The following LMTK3 variants were observed in gnomAD, a reference collection of about 807,000 sequenced individuals.
The protein encoded by LMTK3 is lemur tail kinase 3.
A neutral mutation model predicts 116.7 loss-of-function variants in LMTK3; 27 were observed. The observed-to-expected ratio is 0.23, with a 90% CI of 0.17 to 0.32. LMTK3 has a LOEUF of 0.32. Ranked by LOEUF, LMTK3 falls within the 10% of genes least tolerant of loss-of-function variation. LMTK3 has a pLI of 1.00. For synonymous variants in LMTK3, 965 were observed against 971.0 expected (o/e 0.99, Z 0.11); for missense variants, 1,764 against 2,068.5 (o/e 0.85, Z 2.86).
chr19:48,486,696 C>T (rs1439786941), intron 14 of LMTK3, among the ~76,000 whole-genome samples: 6 of 151,902 alleles, frequency 3.9e-5, no homozygotes, highest in Non-Finnish European at 5.9e-5. Flanking sequence ...CACGACTACG[C>T]CCGGCTAATT....
At position 48,501,682 on chromosome 19, in the gene LMTK3, C is replaced by A. The variant is rs1356177788; in HGVS notation, c.795-120G>T. ...CTGCCCCGCCACACTGACTCTGCCC[C>A]TTCCCTCTGATCTGTCTCTCCCCTC... On this transcript the variant is annotated intron_variant, in intron 7 of 14. Transcript: ENST00000600059. 1.1e-5 allele frequency: 11 copies of A among 987,030 alleles called. No individual in the cohort carries two copies. The Admixed American group carries it at 1.8e-4, about 16-fold the overall frequency. The allele number at this position is 987,030 out of a possible 1,614,324, so 61.1% of individuals were successfully genotyped here. A position where few individuals can be genotyped will look rare whatever the true frequency, so the allele number is the denominator to read the frequency against.
At chr19:48,510,363 A>G in intron 2 of LMTK3, 96 bp downstream of exon 2, 1 of 1,492,072 alleles carries the variant, frequency 6.7e-7, no homozygotes, top group Non-Finnish European at 9.0e-7. Context: ...GTGCTCTCGG[A>G]TTTACTGCCC....
chr19:48,486,619 ACT>A (rs939797399), intron 14 of LMTK3, among the ~76,000 whole-genome samples: 6 of 144,468 alleles, frequency 4.2e-5, no homozygotes, highest in Non-Finnish European at 7.7e-5. Flanking sequence ...CTCACTGCAA[ACT>A]CTGCCTCCTG....
intron 11 of LMTK3, among the ~76,000 whole-genome samples, chr19:48,496,296 C>CTTT (rs1365263028): frequency 4.2e-5 from 6 of 142,204 alleles, no homozygotes; most frequent in Non-Finnish European, 7.6e-5. Context: ...TTTTCTTTTT[C>CTTT]TTTTCTTTTT....
rs1972408804 is a variant in LMTK3, at chr19:48,499,121, G to T, written c.1948C>A (p.Pro650Thr). Residue 650 changes from proline (P) to threonine (T), a missense_variant, in exon 11 of 15, where the codon CCA (proline) becomes ACA (threonine). This residue lies in a region of LMTK3 where 1,028 missense variants were observed against 1,050.6 expected (regional missense o/e 0.98). Coordinates refer to ENST00000600059, the MANE Select transcript of LMTK3 (RefSeq NM_001388485.1). ...CCAAGGCTGCTGCTGTCTTCCCCTGGGGAGCTGCCCTCCTCCTCCTCCTCT... is the reference window on the plus strand; with the variant it reads ...CCAAGGCTGCTGCTGTCTTCCCCTGTGGAGCTGCCCTCCTCCTCCTCCTCT... ...EEEEEEEGSS[P>T]GEDSSSLGGG... The T allele has an allele frequency of 4.5e-6, 7 of 1,558,350 alleles. No individual in the cohort carries two copies. Among genetic ancestry groups the T allele is most frequent in the East Asian group, 2.4e-5 (1 of 41,844 alleles).
chr19:48,505,021 G>A (rs956476830), intron 5 of LMTK3, among the ~76,000 whole-genome samples: 1 of 149,824 alleles, frequency 6.7e-6, no homozygotes, highest in East Asian at 2.0e-4. Context: ...ATCCAAGGTG[G>A]CCCCTGTCTC....
intron 14 of LMTK3, among the ~76,000 whole-genome samples, chr19:48,487,714 G>C (rs1031213215): frequency 6.6e-6 from 1 of 152,094 alleles, no homozygotes; most frequent in Non-Finnish European, 1.5e-5. Context: ...AGAAAGCTAA[G>C]GTCCAGGAGG....
Position 48,502,534 on chromosome 19 carries a change from C to G in LMTK3, c.693G>C (p.Leu231=). The change falls in exon 7 of 15, where the codon CTG becomes CTC. Residue 231 remains leucine (L), a synonymous_variant. Transcript: ENST00000600059. Reference sequence around the variant, plus strand: ...GGTCTCGAGGGGGTAGCTCAGGGGACAGGCCCTCGGGGGGCCGCTGGGCTC... The same window carrying G: ...GGTCTCGAGGGGGTAGCTCAGGGGAGAGGCCCTCGGGGGGCCGCTGGGCTC... ...YLRAQRPPEG[L]SPELPPRDLR... is the part of the protein sequence containing the mutation. 1 of 1,596,628 alleles carries G rather than the reference C, an allele frequency of 6.3e-7. No homozygotes were observed. The highest frequency in any genetic ancestry group is 1.7e-5 in the Admixed American group (1 of 57,192).
intron 5 of LMTK3, among the ~76,000 whole-genome samples, chr19:48,507,045 G>A (rs1972582678): frequency 6.6e-6 from 1 of 152,154 alleles, no homozygotes; most frequent in Non-Finnish European, 1.5e-5. Flanking sequence ...GCCCGCCTTG[G>A]CCTCCCAAAG....
At chr19:48,502,294 C>T (rs1972484685) in intron 7 of LMTK3, 139 bp downstream of exon 7, 7 of 1,028,450 alleles carry the variant, frequency 6.8e-6, no homozygotes, top group Non-Finnish European at 9.7e-6. Context: ...GGCCCCTTCT[C>T]CTCCATACCC....
chr19:48,502,840 G>A, intron 6 of LMTK3, 69 bp downstream of exon 6: 1 of 1,161,446 alleles, frequency 8.6e-7, no homozygotes, highest in East Asian at 2.5e-5. Flanking sequence ...AAGCCCAGGG[G>A]CACCAGGCTT....
chr19:48,493,658 C>T, intron 12 of LMTK3, 36 bp downstream of exon 12: 2 of 1,539,378 alleles, frequency 1.3e-6, no homozygotes, highest in African/African-American at 1.4e-5. Flanking sequence ...CCCTCCAGGC[C>T]GCGACCCCGA....
At chr19:48,486,835 C>A (rs1972132624) in intron 14 of LMTK3, among the ~76,000 whole-genome samples, 1 of 151,590 alleles carries the variant, frequency 6.6e-6, no homozygotes. Context: ...CTGAGCCCGG[C>A]CGAACCTGTC....
intron 12 of LMTK3, among the ~76,000 whole-genome samples, chr19:48,493,150 C>A (rs1440510492): frequency 6.6e-6 from 1 of 151,654 alleles, no homozygotes; most frequent in African/African-American, 2.4e-5. Flanking sequence ...AGGCCCGGAT[C>A]CAGACTCTGT....
chr19:48,486,047 CTTTTTTTTTTT>C (rs141193575), intron 14 of LMTK3, among the ~76,000 whole-genome samples: 100 of 59,804 alleles, frequency 1.7e-3, no homozygotes, highest in South Asian at 5.9e-3. Flanking sequence ...AACATTCTTC[CTTTTTTTTTTT>C]TTTTTTTTTT....
rs770591731 is a variant in LMTK3 at position 48,511,550 on chromosome 19, G to C, written c.27C>G (p.Leu9=). The C allele has an allele frequency of 1.3e-4, 186 of 1,445,156 alleles. No individual in the cohort carries two copies. The highest frequency in any genetic ancestry group is 5.6e-4 in the South Asian group (39 of 69,504). 89.5% of individuals were successfully genotyped at this position (1,445,156 alleles called of 1,614,324 possible). A position where few individuals can be genotyped will look rare whatever the true frequency, so the allele number is the denominator to read the frequency against. Residue 9 remains leucine, a synonymous_variant, in exon 1 of 15, where the codon CTC becomes CTG. Transcript: ENST00000600059. The stretch of plus-strand genomic sequence containing the variant: ...AGCCGGAGGCGGAGACGGCCGCAAG[G>C]AGGATGAGGGCGCCGGGGGCAGGCA... MPAPGALI[L]LAAVSASGCL...
chr19:48,498,799 GGCGGGGGGGGGGGA>G lies in LMTK3; in HGVS notation c.2256_2269del (p.Pro753AlafsTer782). The G allele has an allele frequency of 5.7e-6, 7 of 1,237,368 alleles. No individual in the cohort carries two copies. The highest frequency in any genetic ancestry group is 7.3e-6 in the Non-Finnish European group (7 of 957,842). 76.6% of individuals were successfully genotyped at this position (1,237,368 alleles called of 1,614,324 possible). A position where few individuals can be genotyped will look rare whatever the true frequency, so the allele number is the denominator to read the frequency against. ...GTCCGCGGGGGCCCGAGGAGGTGGC[GGCGGGGGGGGGGGA>G]GCGGGAGGTGGCCCCCGCCCGGGGT... On this transcript the variant is annotated frameshift_variant, in exon 11 of 15. Coordinates refer to ENST00000600059, the MANE Select transcript of LMTK3 (RefSeq NM_001388485.1). LOFTEE classifies it high-confidence loss of function.
rs765032299 is a variant in LMTK3 at position 48,494,121 on chromosome 19, G to A, written c.3677-12C>T. On this transcript the variant is annotated splice_polypyrimidine_tract_variant and intron_variant, in intron 11 of 14. Transcript: ENST00000600059. This position sits in a 1 kb window ranked among gnomAD's most constrained non-coding sequence, Gnocchi z 4.0. ...CCGGGAGAGCCTGGCTGCGAGGGGA[G>A]AGACCTGGTGAGCCCCTGTCCCGGT... The A allele has an allele frequency of 2.5e-4, 302 of 1,191,984 alleles. 1 individual carries two copies. Among genetic ancestry groups the A allele is most frequent in the Middle Eastern group, 2.0e-3 (9 of 4,572 alleles). 73.8% of individuals were successfully genotyped at this position (1,191,984 alleles called of 1,614,324 possible).
In LMTK3 at chr19:48,493,805, C is replaced by T; in HGVS notation, c.3981G>A (p.Arg1327=). The stretch of plus-strand genomic sequence containing the variant: ...CCCCGCGCGGAGACTTGAGCAGCCC[C>T]CGCAGCGGGCGGGCCGCGTCCGCGT... The part of the protein sequence containing the change: ...SADADAARPL[R]GLLKSPRGAD... The change falls in exon 12 of 15, where the codon CGG becomes CGA. Residue 1327 remains arginine (R), a synonymous_variant. Coordinates refer to ENST00000600059, the MANE Select transcript of LMTK3 (RefSeq NM_001388485.1). 1.3e-6 allele frequency: 2 copies of T among 1,510,094 alleles called. No homozygotes were observed. Among genetic ancestry groups the T allele is most frequent in the African/African-American group, 1.4e-5 (1 of 69,284 alleles). The allele number at this position is 1,510,094 out of a possible 1,614,324, so 93.5% of individuals were successfully genotyped here.
Sources: allele counts gnomAD v4.1 joint callset (sites outside exome capture counted in the v4.1 genomes callset), GRCh38; gene constraint gnomAD v4.1.1; regional missense constraint gnomAD v4.1.1; non-coding constraint Gnocchi (gnomAD v3.1); transcripts MANE v1.5; gene names NCBI Gene and HGNC (gene_info 2026-07-23, HGNC 2026-07-21).